The following MAP3K20 variants were observed in gnomAD, a reference collection of about 807,000 sequenced individuals.
MAP3K20 encodes mitogen-activated protein kinase kinase kinase 20, also known as HCCS-4.
MAP3K20 carries 40 observed loss-of-function variants against 85.7 expected under a neutral mutation model. That is an observed-to-expected ratio of 0.47 (90% confidence interval 0.36 to 0.61). The LOEUF (loss-of-function observed/expected upper bound fraction) is 0.61, where lower values mean the gene tolerates loss of function less well. Among genes scored for constraint, MAP3K20 ranks in the 20% least tolerant of loss-of-function variants. MAP3K20 has a pLI of 0.00. For synonymous variants in MAP3K20, 325 were observed against 327.7 expected (o/e 0.99, Z 0.09); for missense variants, 817 against 961.7 (o/e 0.85, Z 1.99).
At chr2:173,249,042 A>G (rs1445213591) in intron 16 of MAP3K20, among the ~76,000 whole-genome samples, 2 of 152,198 alleles carry the variant, frequency 1.3e-5, no homozygotes, top group Non-Finnish European at 2.9e-5. Flanking sequence ...ATATTGTCTC[A>G]TACTGACCAT....
At chr2:173,092,115 A>G (rs1431695439) in intron 2 of MAP3K20, among the ~76,000 whole-genome samples, 1 of 152,210 alleles carries the variant, frequency 6.6e-6, no homozygotes, top group East Asian at 1.9e-4. Flanking sequence ...AGAGAAGGAA[A>G]CCCAAATGGT....
chr2:173,216,560 G>T (rs1197320790), intron 10 of MAP3K20, among the ~76,000 whole-genome samples: 3 of 151,912 alleles, frequency 2.0e-5, no homozygotes, highest in Admixed American at 6.6e-5. Context: ...GATCAGGCAG[G>T]TAGGAGAACC....
chr2:173,160,415 T>C (rs1176785508), intron 2 of MAP3K20: 1 of 152,200 alleles, frequency 6.6e-6, no homozygotes, highest in Non-Finnish European at 1.5e-5. Flanking sequence ...CAGGTAAGAA[T>C]GAAGTTTTTT....
intron 2 of MAP3K20, among the ~76,000 whole-genome samples, chr2:173,147,759 G>T (rs558880176): frequency 1.9e-4 from 29 of 152,084 alleles, no homozygotes; most frequent in African/African-American, 6.8e-4. Flanking sequence ...GCTAATTTTT[G>T]TATTTTTAGT....
chr2:173,164,205 G>A (rs184679207), intron 2 of MAP3K20, among the ~76,000 whole-genome samples: 2,021 of 152,102 alleles, frequency 0.013, 23 homozygotes, highest in Middle Eastern at 0.024. Flanking sequence ...TGATCTGCCC[G>A]CCTCGGCCTC....
At position 173,134,410 on chromosome 2, in the gene MAP3K20, A is replaced by T. The variant is rs868602224; in HGVS notation, c.160-35395A>T. ...TCTCTATACATATATATATATATATATATATATATATATATATATTTTTTT... is the reference window on the plus strand; with the variant it reads ...TCTCTATACATATATATATATATATTTATATATATATATATATATTTTTTT... On this transcript the variant is annotated intron_variant, in intron 2 of 19. Coordinates refer to ENST00000375213, the MANE Select transcript of MAP3K20 (RefSeq NM_016653.3). 3.2e-3 allele frequency among the ~76,000 whole-genome samples: 18 copies of T among 5,656 alleles called. 2 individuals are homozygous for T. Among genetic ancestry groups the T allele is most frequent in the Admixed American group, 0.013 (9 of 674 alleles). The allele number at this position is 5,656 out of a possible 152,430, so 3.7% of individuals were successfully genotyped here.
intron 7 of MAP3K20, among the ~76,000 whole-genome samples, chr2:173,193,402 A>G (rs780889540): frequency 3.3e-5 from 5 of 151,998 alleles, no homozygotes; most frequent in Admixed American, 1.3e-4. Context: ...AGACACAACT[A>G]TACATACATT....
chr2:173,118,115 A>G (rs1359044237), intron 2 of MAP3K20, among the ~76,000 whole-genome samples: 1 of 152,216 alleles, frequency 6.6e-6, no homozygotes, highest in African/African-American at 2.4e-5. Flanking sequence ...AAAAAGAGAA[A>G]TTCAGCCATT....
intron 8 of MAP3K20, among the ~76,000 whole-genome samples, chr2:173,201,609 T>C (rs1339435085): frequency 6.6e-6 from 1 of 152,206 alleles, no homozygotes; most frequent in Non-Finnish European, 1.5e-5. Context: ...AAAAATGTCA[T>C]GCCTAATTTA....
At chr2:173,182,805 G>T in intron 3 of MAP3K20, 49 bp from the exon 4 acceptor site, 2 of 1,284,186 alleles carry the variant, frequency 1.6e-6, no homozygotes, top group Admixed American at 2.5e-5. Flanking sequence ...TCTTATTTCT[G>T]AAATGTATCT....
rs536432251 is a variant in MAP3K20, at chr2:173,184,165, CTGTA to C, written c.349+1214_349+1217del. On this transcript the variant is annotated intron_variant, in intron 4 of 19. Coordinates refer to ENST00000375213, the MANE Select transcript of MAP3K20 (RefSeq NM_016653.3). ...TTCATGTAATATCATAGTGACTTCT[CTGTA>C]TGTCAGTAGAACACAAGGACCAGCT... Among the ~76,000 whole-genome samples, 107 of 152,296 alleles carry C rather than the reference CTGTA, an allele frequency of 7.0e-4. 1 individual carries two copies. Among genetic ancestry groups the C allele is most frequent in the African/African-American group, 2.4e-3 (99 of 41,556 alleles).
intron 7 of MAP3K20, among the ~76,000 whole-genome samples, chr2:173,195,281 T>C (rs942065576): frequency 6.7e-6 from 1 of 149,374 alleles, no homozygotes. Context: ...CTTGAAAACA[T>C]AGTGGCTTAA....
chr2:173,136,760 A>G (rs991031656), intron 2 of MAP3K20, among the ~76,000 whole-genome samples: 1 of 152,238 alleles, frequency 6.6e-6, no homozygotes, highest in Non-Finnish European at 1.5e-5. Context: ...TACATGAACT[A>G]TGTGAAATCT....
intron 7 of MAP3K20, among the ~76,000 whole-genome samples, chr2:173,194,567 C>G (rs865917394): frequency 6.6e-6 from 1 of 151,848 alleles, no homozygotes; most frequent in South Asian, 2.1e-4. Flanking sequence ...GAAAATGATA[C>G]CTATTTTAAT....
intron 11 of MAP3K20, chr2:173,226,704 T>G: frequency 1.0e-6 from 1 of 985,836 alleles, no homozygotes; most frequent in Middle Eastern, 5.2e-4. Flanking sequence ...CTACATTAAT[T>G]ATTTTATATT....
chr2:173,262,490 C>T (rs1050043219), intron 18 of MAP3K20, among the ~76,000 whole-genome samples: 5 of 152,036 alleles, frequency 3.3e-5, no homozygotes, highest in African/African-American at 1.2e-4. Flanking sequence ...ATCCCAGCTA[C>T]TCAGGAGGCT....
intron 2 of MAP3K20, among the ~76,000 whole-genome samples, chr2:173,121,291 T>C (rs181138249): frequency 1.0e-3 from 154 of 152,288 alleles, no homozygotes; most frequent in Non-Finnish European, 1.3e-4. Context: ...GTTTCCTTTG[T>C]CGGAAGCAAA....
chr2:173,120,441 C>T (rs1445419613), intron 2 of MAP3K20, among the ~76,000 whole-genome samples: 1 of 151,840 alleles, frequency 6.6e-6, no homozygotes, highest in African/African-American at 2.4e-5. Flanking sequence ...CCCAATATTC[C>T]CTTGGTAATT....
chr2:173,238,360 A>AT lies in MAP3K20; in HGVS notation c.1204-5dup, dbSNP rs750737541. On this transcript the variant is annotated splice_polypyrimidine_tract_variant and intron_variant, in intron 14 of 19. Coordinates refer to ENST00000375213, the MANE Select transcript of MAP3K20 (RefSeq NM_016653.3). Reference sequence around the variant, plus strand: ...ACTGGATCATTAATAAAGTCATATGATTTTTTTTACAGTCAGCCATTGAGA... The same window carrying AT: ...ACTGGATCATTAATAAAGTCATATGATTTTTTTTTACAGTCAGCCATTGAGA... 1.7e-4 allele frequency: 274 copies of AT among 1,604,662 alleles called. 1 individual carries two copies. The East Asian group carries it at 2.1e-3, about 12-fold the overall frequency.
Sources: gnomAD v4.1 joint callset for allele counts (sites outside exome capture counted in the v4.1 genomes callset) on GRCh38, gnomAD v4.1.1 for gene constraint, MANE v1.5 for transcripts, NCBI Gene and HGNC (gene_info 2026-07-23, HGNC 2026-07-21) for gene names.